The following ADAM10 variants were observed in gnomAD, a reference collection of about 807,000 sequenced individuals.
ADAM10 encodes ADAM metallopeptidase domain 10.
ADAM10 carries 17 observed loss-of-function variants against 90.1 expected under a neutral mutation model. That is an observed-to-expected ratio of 0.19 (90% CI 0.13 to 0.28). The LOEUF (loss-of-function observed/expected upper bound fraction) is 0.28. Ranked by LOEUF, ADAM10 falls within the 10% of genes least tolerant of loss-of-function variation. The pLI, the probability that ADAM10 is intolerant of heterozygous loss-of-function variation, is 1.00. For synonymous variants in ADAM10, 310 were observed against 298.6 expected (o/e 1.04, Z -0.40); for missense variants, 610 against 914.3 (o/e 0.67, Z 4.29).
At position 58,720,064 on chromosome 15, in the gene ADAM10, T is replaced by C. The variant is rs185460731; in HGVS notation, c.56-2337A>G. On this transcript the variant is annotated intron_variant, in intron 1 of 15. Coordinates refer to ENST00000260408, the MANE Select transcript of ADAM10 (RefSeq NM_001110.4). ...ACAAAACTGGGTTGAATTCTGACAC[T>C]TCCTAGCCATAACCACATGAGCTAA... Among the ~76,000 whole-genome samples, 205 of 152,348 alleles carry C rather than the reference T, an allele frequency of 1.3e-3. 1 individual carries two copies. The highest frequency in any genetic ancestry group is 4.4e-3 in the African/African-American group (184 of 41,576).
chr15:58,714,485 A>G (rs1343362485), intron 2 of ADAM10, among the ~76,000 whole-genome samples: 1 of 152,156 alleles, frequency 6.6e-6, no homozygotes, highest in East Asian at 1.9e-4. Context: ...ACTAAAGCCT[A>G]TTATGTGAAT....
chr15:58,612,055 T>G (rs1410884068), intron 11 of ADAM10, 64 bp from the exon 12 acceptor site: 6 of 1,447,022 alleles, frequency 4.1e-6, no homozygotes, highest in Non-Finnish European at 5.8e-6. Flanking sequence ...TACTATTAGA[T>G]ATTAGATTAG....
At chr15:58,749,369 G>A (rs1260347691) in intron 1 of ADAM10, 111 bp downstream of exon 1, 10 of 1,211,306 alleles carry the variant, frequency 8.3e-6, no homozygotes, top group Non-Finnish European at 9.3e-6. Flanking sequence ...GGCGCCGCTG[G>A]CCGGCTGGGC....
chr15:58,621,262 CAAAAAAAAAAAA>C (rs749439192), intron 11 of ADAM10, among the ~76,000 whole-genome samples, 197 bp downstream of exon 11: 4 of 25,276 alleles, frequency 1.6e-4, no homozygotes, highest in Admixed American at 5.1e-4. Context: ...GACCCTGTCT[CAAAAAAAAAAAA>C]AAAAAAAAAA....
At chr15:58,655,517 CA>C (rs1248927353) in intron 5 of ADAM10, 7 of 150,900 alleles carry the variant, frequency 4.6e-5, no homozygotes, top group South Asian at 2.1e-4. Flanking sequence ...CCCCATGATC[CA>C]AACAACTCCC....
intron 1 of ADAM10, chr15:58,748,505 A>T (rs1350268784): frequency 6.4e-6 from 1 of 156,254 alleles, no homozygotes; most frequent in Non-Finnish European, 1.4e-5. Flanking sequence ...CGGAAATAAA[A>T]ATCGTTGTCT....
chr15:58,700,296 T>C (rs75244321), intron 2 of ADAM10, among the ~76,000 whole-genome samples: 4,691 of 152,242 alleles, frequency 0.031, 258 homozygotes, highest in African/African-American at 0.11. Context: ...AACATTCTTC[T>C]CATCAGCACA....
chr15:58,597,317 T>A lies in ADAM10; in HGVS notation c.*230A>T, dbSNP rs200261664. 6 of 1,419,828 alleles carry A rather than the reference T, an allele frequency of 4.2e-6. No individual in the cohort carries two copies. The African/African-American group carries it at 7.2e-5, about 17-fold the overall frequency. The allele number at this position is 1,419,828 out of a possible 1,614,324, so 88.0% of individuals were successfully genotyped here. A position where few individuals can be genotyped will look rare whatever the true frequency, so the allele number is the denominator to read the frequency against. Reference sequence around the variant, plus strand: ...ACTTTGTGCCATTAAGTTAAAAATATCTGTTCATAAGAAAATTGGGTTCCT... The same window carrying A: ...ACTTTGTGCCATTAAGTTAAAAATAACTGTTCATAAGAAAATTGGGTTCCT... On this transcript the variant is annotated 3_prime_UTR_variant, in exon 16 of 16. Coordinates refer to ENST00000260408, the MANE Select transcript of ADAM10 (RefSeq NM_001110.4).
intron 11 of ADAM10, among the ~76,000 whole-genome samples, chr15:58,619,992 A>G (rs1189180039): frequency 6.6e-6 from 1 of 152,138 alleles, no homozygotes; most frequent in Non-Finnish European, 1.5e-5. Flanking sequence ...TAGTCAAAGC[A>G]TACTACATTC....
intron 11 of ADAM10, among the ~76,000 whole-genome samples, chr15:58,619,131 G>A (rs1895704161): frequency 6.6e-6 from 1 of 151,834 alleles, no homozygotes; most frequent in Admixed American, 6.6e-5. Context: ...ATAAAGAAAA[G>A]GTGGTATATA....
intron 14 of ADAM10, among the ~76,000 whole-genome samples, chr15:58,607,343 A>C (rs1013872861): frequency 1.3e-5 from 2 of 152,262 alleles, no homozygotes; most frequent in Non-Finnish European, 2.9e-5. Flanking sequence ...TCCAAATGAC[A>C]TCTAAGGATA....
intron 8 of ADAM10, among the ~76,000 whole-genome samples, chr15:58,638,951 C>A (rs1896344243): frequency 6.6e-6 from 1 of 152,122 alleles, no homozygotes; most frequent in Non-Finnish European, 1.5e-5. Context: ...TTACTTTTTA[C>A]AACAAAATGA....
chr15:58,634,300 T>TAAA (rs61691654), intron 8 of ADAM10, among the ~76,000 whole-genome samples: 79 of 135,888 alleles, frequency 5.8e-4, no homozygotes, highest in African/African-American at 1.9e-3. Context: ...ACACTCTGTC[T>TAAA]AAAAAAAAAA....
Position 58,594,293 on chromosome 15 carries a change from C to T in ADAM10, c.*3254G>A, listed in dbSNP as rs1185666310. On this transcript the variant is annotated 3_prime_UTR_variant, in exon 16 of 16. Coordinates refer to ENST00000260408, the MANE Select transcript of ADAM10 (RefSeq NM_001110.4). Reference sequence around the variant, plus strand: ...ACTCTGATACCTTCAATTAGAAATACTTAATAAGAAATGCCTTCTCATGCA... The same window carrying T: ...ACTCTGATACCTTCAATTAGAAATATTTAATAAGAAATGCCTTCTCATGCA... 1 of 152,178 alleles carries T rather than the reference C, an allele frequency of 6.6e-6. No homozygotes were observed. Among genetic ancestry groups the T allele is most frequent in the Admixed American group, 6.5e-5 (1 of 15,288 alleles). 9.4% of individuals were successfully genotyped at this position (152,178 alleles called of 1,614,324 possible). A position where few individuals can be genotyped will look rare whatever the true frequency, so the allele number is the denominator to read the frequency against.
chr15:58,711,996 T>C (rs1164158499), intron 2 of ADAM10, among the ~76,000 whole-genome samples: 2 of 152,186 alleles, frequency 1.3e-5, no homozygotes, highest in South Asian at 4.1e-4. Context: ...AGTTAAAATA[T>C]ATATATACAT....
At chr15:58,745,170 G>A (rs1330000656) in intron 1 of ADAM10, among the ~76,000 whole-genome samples, 2 of 152,160 alleles carry the variant, frequency 1.3e-5, no homozygotes, top group African/African-American at 2.4e-5. Context: ...GTGACAGAGC[G>A]AGATTCCATC....
At chr15:58,720,963 C>T (rs1398327885) in intron 1 of ADAM10, among the ~76,000 whole-genome samples, 3 of 152,136 alleles carry the variant, frequency 2.0e-5, no homozygotes, top group Admixed American at 1.3e-4. Context: ...ACTCCTTTTT[C>T]GGCACCAAAG....
At chr15:58,625,142 T>TA (rs1253177878) in intron 10 of ADAM10, among the ~76,000 whole-genome samples, 2 of 151,982 alleles carry the variant, frequency 1.3e-5, no homozygotes, top group South Asian at 4.1e-4. Context: ...ATCAATACAA[T>TA]AAAAAACTGA....
At chr15:58,624,682 G>A (rs1240399931) in intron 10 of ADAM10, among the ~76,000 whole-genome samples, 4 of 152,030 alleles carry the variant, frequency 2.6e-5, no homozygotes, top group African/African-American at 4.8e-5. Context: ...ACAGGCGCAC[G>A]CCACCATGCC....
Sources: allele counts gnomAD v4.1 joint callset (sites outside exome capture counted in the v4.1 genomes callset), GRCh38; gene constraint gnomAD v4.1.1; transcripts MANE v1.5; gene names NCBI Gene and HGNC (gene_info 2026-07-23, HGNC 2026-07-21).